UBAP2: variants seen among roughly 807,000 people sequenced by gnomAD.
The protein encoded by UBAP2 is ubiquitin associated protein 2, also known as ubiquitin-associated protein 2.
UBAP2 carries 75 observed loss-of-function variants against 139.6 expected under a neutral mutation model. The observed-to-expected ratio is 0.54, with a 90% CI of 0.45 to 0.65. The LOEUF (loss-of-function observed/expected upper bound fraction) is 0.65. Ranked by LOEUF, UBAP2 falls within the 30% of genes least tolerant of loss-of-function variation. The pLI, the probability that UBAP2 is intolerant of heterozygous loss-of-function variation, is 0.00. For synonymous variants in UBAP2, 526 were observed against 526.2 expected (o/e 1.00, Z 0.01); for missense variants, 1,368 against 1,369.6 (o/e 1.00, Z 0.02).
chr9:34,044,543 C>A (rs1827399003), intron 1 of UBAP2, among the ~76,000 whole-genome samples: 1 of 151,956 alleles, frequency 6.6e-6, no homozygotes, highest in African/African-American at 2.4e-5. Context: ...GCCTGGGCGA[C>A]AGAGAAAGAC....
chr9:34,039,611 G>A (rs1826852896), intron 1 of UBAP2, among the ~76,000 whole-genome samples: 1 of 151,940 alleles, frequency 6.6e-6, no homozygotes, highest in Admixed American at 6.6e-5. Context: ...ATGGATAAAG[G>A]GCGGTGCAAG....
chr9:34,010,052 C>T, intron 2 of UBAP2, among the ~76,000 whole-genome samples: 1 of 148,976 alleles, frequency 6.7e-6, no homozygotes, highest in Non-Finnish European at 1.5e-5. Flanking sequence ...GGTGATCTAC[C>T]TGCCTTGGCC....
rs746540810 is a variant in UBAP2, at chr9:33,943,547, T to G, written c.1588A>C (p.Thr530Pro). The change falls in exon 15 of 29, where the codon ACA becomes CCA. Residue 530 changes from threonine to proline, a missense_variant. Thr to Pro is a conservative substitution (Grantham distance 38). Coordinates refer to ENST00000379238, the MANE Select transcript of UBAP2 (RefSeq NM_001370062.2). Reference protein sequence around the residue: ...AVEMPGSADVTGLNVQFGALE... With the variant: ...AVEMPGSADVPGLNVQFGALE... The stretch of plus-strand genomic sequence containing the variant: ...GCCCCAAACTGCACATTTAATCCTG[T>G]GACATCTGCTGAACCAGGCATTTCC... The G allele has an allele frequency of 6.2e-7, 1 of 1,614,140 alleles. No homozygotes were observed. The highest frequency in any genetic ancestry group is 1.1e-5 in the South Asian group (1 of 91,084).
At position 33,981,226 on chromosome 9, in the gene UBAP2, G is replaced by GATAT. The variant is rs1217356369; in HGVS notation, c.520+5530_520+5533dup. On this transcript the variant is annotated intron_variant, in intron 6 of 28. Coordinates refer to ENST00000379238, the MANE Select transcript of UBAP2 (RefSeq NM_001370062.2). ...TCTGGATATATATATATATATTCTG[G>GATAT]ATATATATATATATTCTGGATATAT... Among the ~76,000 whole-genome samples the GATAT allele has an allele frequency of 2.8e-4, 6 of 21,788 alleles. 1 individual carries two copies. Among genetic ancestry groups the GATAT allele is most frequent in the African/African-American group, 7.3e-4 (3 of 4,134 alleles). 14.3% of individuals were successfully genotyped at this position (21,788 alleles called of 152,430 possible).
intron 16 of UBAP2, among the ~76,000 whole-genome samples, chr9:33,940,904 G>A (rs1271012526): frequency 7.2e-5 from 11 of 152,098 alleles, no homozygotes; most frequent in Admixed American, 6.5e-4. Context: ...TATGCACTAG[G>A]AAACCAAAAA....
intron 2 of UBAP2, chr9:34,011,557 C>G (rs1379858998): frequency 2.3e-6 from 2 of 885,642 alleles, no homozygotes; most frequent in African/African-American, 3.6e-5. Context: ...AAATAATTTT[C>G]TTTGATAAAC....
At chr9:34,031,678 T>C (rs1389831348) in intron 1 of UBAP2, among the ~76,000 whole-genome samples, 4 of 151,678 alleles carry the variant, frequency 2.6e-5, no homozygotes, top group African/African-American at 9.7e-5. Context: ...ATCACAGGTA[T>C]GTACCACCAT....
intron 1 of UBAP2, among the ~76,000 whole-genome samples, chr9:34,025,811 C>T (rs1212139725): frequency 2.6e-5 from 4 of 152,170 alleles, no homozygotes; most frequent in African/African-American, 9.7e-5. Context: ...AACTCCTGGG[C>T]TCAGGTGATC....
In UBAP2 at chr9:33,922,301, C is replaced by A; in HGVS notation, c.*203G>T. 1.7e-6 allele frequency: 1 copy of A among 584,054 alleles called. No individual in the cohort carries two copies. Among genetic ancestry groups the A allele is most frequent in the East Asian group, 3.0e-5 (1 of 32,958 alleles). The allele number at this position is 584,054 out of a possible 1,614,324, so 36.2% of individuals were successfully genotyped here. On this transcript the variant is annotated 3_prime_UTR_variant, in exon 29 of 29. Transcript: ENST00000379238. ...AACATCTGCCGCCATCCCCCAACTC[C>A]CCCCCAGACTTCTATCACATTTACA...
At chr9:34,028,361 CTTAT>C (rs143612468) in intron 1 of UBAP2, among the ~76,000 whole-genome samples, 4,153 of 144,080 alleles carry the variant, frequency 0.029, 76 homozygotes, top group African/African-American at 0.044. Flanking sequence ...TAAACCCTGT[CTTAT>C]TTATTTATTT....
In UBAP2 at chr9:33,921,696, GCTCTCA is replaced by G. The variant is rs1822894288; in HGVS notation, c.*802_*807del. On this transcript the variant is annotated 3_prime_UTR_variant, in exon 29 of 29. Transcript: ENST00000379238. ...GTCACACCACACAGAGACCATGCAT[GCTCTCA>G]GAACTTTATTAGGTGGGGATTGGGC... 1 of 152,698 alleles carries G rather than the reference GCTCTCA, an allele frequency of 6.5e-6. No homozygotes were observed. The highest frequency in any genetic ancestry group is 2.4e-5 in the African/African-American group (1 of 41,458). The allele number at this position is 152,698 out of a possible 1,614,324, so 9.5% of individuals were successfully genotyped here.
intron 6 of UBAP2, among the ~76,000 whole-genome samples, chr9:33,982,173 C>T (rs1052542886): frequency 1.3e-5 from 2 of 152,116 alleles, no homozygotes; most frequent in African/African-American, 2.4e-5. Flanking sequence ...GCCAGCAGCC[C>T]CTCTTTCACC....
At chr9:34,004,628 C>CA (rs1270150812) in intron 2 of UBAP2, among the ~76,000 whole-genome samples, 1 of 151,424 alleles carries the variant, frequency 6.6e-6, no homozygotes, top group Non-Finnish European at 1.5e-5. Context: ...TAAAAAAATA[C>CA]AAAAAATTAG....
rs1189267630 is a variant in UBAP2, at chr9:33,932,776, C to T, written c.2109-148G>A. On this transcript the variant is annotated intron_variant, in intron 18 of 28. Coordinates refer to ENST00000379238, the MANE Select transcript of UBAP2 (RefSeq NM_001370062.2). ...GACCCATCCTCATTCCTTATCCCCA[C>T]AGAGCCCAGTGATGGGGTCCTGGTG... The T allele has an allele frequency of 6.1e-6, 5 of 816,918 alleles. No individual in the cohort carries two copies. The Admixed American group carries it at 1.3e-4, about 21-fold the overall frequency. The allele number at this position is 816,918 out of a possible 1,614,324, so 50.6% of individuals were successfully genotyped here.
intron 6 of UBAP2, among the ~76,000 whole-genome samples, chr9:33,981,639 C>A (rs1476727444): frequency 2.6e-5 from 4 of 151,880 alleles, no homozygotes; most frequent in African/African-American, 9.7e-5. Flanking sequence ...CAGGCATAAG[C>A]CACTGTACTT....
intron 1 of UBAP2, among the ~76,000 whole-genome samples, chr9:34,029,392 G>C (rs1223112995): frequency 2.6e-5 from 4 of 151,674 alleles, no homozygotes; most frequent in African/African-American, 9.7e-5. Flanking sequence ...AGCTGGATGT[G>C]GTGGCGGGTA....
chr9:33,974,551 C>T (rs896376853), intron 6 of UBAP2, among the ~76,000 whole-genome samples: 6 of 152,068 alleles, frequency 3.9e-5, no homozygotes, highest in African/African-American at 1.4e-4. Context: ...AGTAAAAAGG[C>T]AACCCAAAGA....
rs927516136 is a variant in UBAP2 at position 33,963,855 on chromosome 9, G to C, written c.680-64C>G. On this transcript the variant is annotated intron_variant, in intron 8 of 28. Transcript: ENST00000379238. Reference sequence around the variant, plus strand: ...AAAGAATGAAAGTATTCATCACAGAGAAGATGGTCACTGTCAAAGCTATGT... The same window carrying C: ...AAAGAATGAAAGTATTCATCACAGACAAGATGGTCACTGTCAAAGCTATGT... The C allele has an allele frequency of 6.6e-6, 8 of 1,215,942 alleles. No individual in the cohort carries two copies. The African/African-American group carries it at 1.2e-4, about 18-fold the overall frequency. 75.3% of individuals were successfully genotyped at this position (1,215,942 alleles called of 1,614,324 possible).
chr9:33,969,262 TAAAC>T (rs1199419329), intron 8 of UBAP2, among the ~76,000 whole-genome samples: 1 of 152,216 alleles, frequency 6.6e-6, no homozygotes, highest in African/African-American at 2.4e-5. Flanking sequence ...TTTTAAAAGT[TAAAC>T]AAACTAAGCT....
Sources: gnomAD v4.1 joint callset for allele counts (sites outside exome capture counted in the v4.1 genomes callset) on GRCh38, gnomAD v4.1.1 for gene constraint, MANE v1.5 for transcripts, NCBI Gene and HGNC (gene_info 2026-07-23, HGNC 2026-07-21) for gene names.